DRD2: variants seen among roughly 807,000 people sequenced by gnomAD.
DRD2 encodes dopamine receptor D2.
A neutral mutation model predicts 38.0 loss-of-function variants in DRD2; 8 were observed. That is an observed-to-expected ratio of 0.21 (90% CI 0.12 to 0.38). The LOEUF (loss-of-function observed/expected upper bound fraction) is 0.38. Ranked by LOEUF, DRD2 falls within the 10% of genes least tolerant of loss-of-function variation. DRD2 has a pLI of 1.00. For missense variants in DRD2, 403 were observed against 607.7 expected (o/e 0.66, Z 3.54); for synonymous variants, 230 against 238.6 (o/e 0.96, Z 0.33).
At chr11:113,447,996 A>C (rs1404364784) in intron 1 of DRD2, among the ~76,000 whole-genome samples, 1 of 152,114 alleles carries the variant, frequency 6.6e-6, no homozygotes, top group Non-Finnish European at 1.5e-5. Flanking sequence ...TGGTTAAAGC[A>C]GGTGTCTGAG....
chr11:113,424,239 G>C, intron 2 of DRD2, 128 bp downstream of exon 2: 1 of 987,926 alleles, frequency 1.0e-6, no homozygotes. Flanking sequence ...AGCCCAGAGT[G>C]AAGGAAAAAC....
At chr11:113,458,394 GA>G (rs5794866) in intron 1 of DRD2, among the ~76,000 whole-genome samples, 114,752 of 150,256 alleles carry the variant, frequency 0.76, 47,152 homozygotes, top group Middle Eastern at 0.93. Context: ...AATATCACCA[GA>G]AAAAAAAAAA....
At chr11:113,411,531 G>A (rs945378919) in intron 7 of DRD2, 2 of 152,978 alleles carry the variant, frequency 1.3e-5, no homozygotes, top group Admixed American at 1.3e-4. Context: ...ACCTAACTCA[G>A]GTGCACTTTT....
chr11:113,453,367 A>T (rs1422374551), intron 1 of DRD2, among the ~76,000 whole-genome samples: 1 of 152,224 alleles, frequency 6.6e-6, no homozygotes, highest in Non-Finnish European at 1.5e-5. Flanking sequence ...GAGATAATGT[A>T]TGTTGAGTGA....
intron 1 of DRD2, among the ~76,000 whole-genome samples, chr11:113,451,789 C>T (rs2119910675): frequency 6.6e-6 from 1 of 152,334 alleles, no homozygotes; most frequent in African/African-American, 2.4e-5. Flanking sequence ...CTCTTAAACC[C>T]AGCTTTGTCA....
rs763813827 is a variant in DRD2 at position 113,424,642 on chromosome 11, G to A, written c.10C>T (p.Leu4=). Residue 4 remains leucine (L), a synonymous_variant, in exon 2 of 8, where the codon CTG becomes TTG. Coordinates refer to ENST00000362072, the MANE Select transcript of DRD2 (RefSeq NM_000795.4). The stretch of plus-strand genomic sequence containing the variant: ...TCATCATCATACCAGGACAGATTCA[G>A]TGGATCCATCAGGGCGGTGGAGCCA... The part of the protein sequence containing the change: MDP[L]NLSWYDDDLE... The A allele has an allele frequency of 6.2e-7, 1 of 1,614,132 alleles. No individual in the cohort carries two copies. The highest frequency in any genetic ancestry group is 2.2e-5 in the East Asian group (1 of 44,880).
Position 113,417,093 on chromosome 11 carries a change from G to T in DRD2, c.396-94C>A, listed in dbSNP as rs992108744. ...ACCAGAGACACCCTCACTCCTTGGG[G>T]CTAAACAGTTGACACACCTCTATGA... On this transcript the variant is annotated intron_variant, in intron 3 of 7. Coordinates refer to ENST00000362072, the MANE Select transcript of DRD2 (RefSeq NM_000795.4). 20 of 1,514,688 alleles carry T rather than the reference G, an allele frequency of 1.3e-5. No homozygotes were observed. In the South Asian group the frequency reaches 2.3e-4, roughly 17 times the overall value. The allele number at this position is 1,514,688 out of a possible 1,614,324, so 93.8% of individuals were successfully genotyped here. A position where few individuals can be genotyped will look rare whatever the true frequency, so the allele number is the denominator to read the frequency against.
chr11:113,460,691 C>T (rs541725689), intron 1 of DRD2, among the ~76,000 whole-genome samples: 10 of 152,360 alleles, frequency 6.6e-5, no homozygotes, highest in African/African-American at 1.9e-4. Flanking sequence ...CCTCTCCTCC[C>T]ACCAGGATTA....
At chr11:113,426,470 T>C (rs979344315) in intron 1 of DRD2, among the ~76,000 whole-genome samples, 4 of 152,230 alleles carry the variant, frequency 2.6e-5, no homozygotes, top group Non-Finnish European at 5.9e-5. Flanking sequence ...AGGTGTTTCA[T>C]ACAAAGCACA....
At chr11:113,468,528 T>TTTTTTGTTTGTTTG (rs1235331484) in intron 1 of DRD2, among the ~76,000 whole-genome samples, 1 of 151,964 alleles carries the variant, frequency 6.6e-6, no homozygotes. Flanking sequence ...TTGATCAGGG[T>TTTTTTGTTTGTTTG]TTTTTTTGTT....
chr11:113,455,973 A>G (rs983552246), intron 1 of DRD2, among the ~76,000 whole-genome samples: 1 of 152,254 alleles, frequency 6.6e-6, no homozygotes, highest in African/African-American at 2.4e-5. Context: ...CACATTGAAG[A>G]GATATCTGTA....
chr11:113,410,618 AGAG>A lies in DRD2; in HGVS notation c.*106_*108del. On this transcript the variant is annotated 3_prime_UTR_variant, in exon 8 of 8. Coordinates refer to ENST00000362072, the MANE Select transcript of DRD2 (RefSeq NM_000795.4). ...AACACTGCAGGGCCTGCCGGGGTGA[AGAG>A]GAGGCCGATCCACCCAGGCCTTCCT... 1 of 1,386,946 alleles carries A rather than the reference AGAG, an allele frequency of 7.2e-7. No homozygotes were observed. The highest frequency in any genetic ancestry group is 1.0e-6 in the Non-Finnish European group (1 of 977,682). 85.9% of individuals were successfully genotyped at this position (1,386,946 alleles called of 1,614,324 possible). A position where few individuals can be genotyped will look rare whatever the true frequency, so the allele number is the denominator to read the frequency against.
At chr11:113,453,408 T>C (rs1236899418) in intron 1 of DRD2, among the ~76,000 whole-genome samples, 1 of 152,216 alleles carries the variant, frequency 6.6e-6, no homozygotes, top group Admixed American at 6.5e-5. Flanking sequence ...CCATACGCAC[T>C]CAGTCCGTGT....
rs926101958 is a variant in DRD2 at position 113,416,392 on chromosome 11, A to T, written c.532+471T>A. Among the ~76,000 whole-genome samples the T allele has an allele frequency of 2.0e-5, 3 of 151,866 alleles. No homozygotes were observed. The South Asian group carries it at 6.2e-4, about 32-fold the overall frequency. On this transcript the variant is annotated intron_variant, in intron 4 of 7. Transcript: ENST00000362072. ...CATGTGGTCAGCTTACCTCCTATTC[A>T]CTTCTAGCTTTCCTGCTCCAGGTGG...
rs115933465 is a variant in DRD2, at chr11:113,444,869, C to T, written c.-31-20187G>A. Among the ~76,000 whole-genome samples the T allele has an allele frequency of 1.5e-3, 222 of 152,290 alleles. 5 individuals are homozygous for T. The South Asian group carries it at 0.028, about 19-fold the overall frequency. ...ACCAGTGAGTAGGAAAGAGGGTGCACATTTTGCAGAGAGGGTAACGTGGCT... is the reference window on the plus strand; with the variant it reads ...ACCAGTGAGTAGGAAAGAGGGTGCATATTTTGCAGAGAGGGTAACGTGGCT... On this transcript the variant is annotated intron_variant, in intron 1 of 7. Coordinates refer to ENST00000362072, the MANE Select transcript of DRD2 (RefSeq NM_000795.4).
intron 1 of DRD2, among the ~76,000 whole-genome samples, chr11:113,429,482 T>C (rs923735261): frequency 3.9e-5 from 6 of 151,976 alleles, no homozygotes; most frequent in Non-Finnish European, 4.4e-5. Context: ...CCTGACCTCA[T>C]TATCTGCCTG....
chr11:113,448,380 G>A (rs1049383733), intron 1 of DRD2, among the ~76,000 whole-genome samples: 5 of 152,112 alleles, frequency 3.3e-5, no homozygotes, highest in South Asian at 4.1e-4. Flanking sequence ...TGAAAACCAC[G>A]CCTCAAGCTC....
In DRD2 at chr11:113,415,554, G is replaced by C; in HGVS notation, c.590C>G (p.Ser197Cys). 6.2e-7 allele frequency: 1 copy of C among 1,614,194 alleles called. No homozygotes were observed. The highest frequency in any genetic ancestry group is 8.5e-7 in the Non-Finnish European group (1 of 1,180,036). Reference sequence around the variant, plus strand: ...GGTGACAATGAAGGGCACGTAGAAGGAGACGATGGAGGAGTAGACCACGAA... The same window carrying C: ...GGTGACAATGAAGGGCACGTAGAAGCAGACGATGGAGGAGTAGACCACGAA... ...PAFVVYSSIV[S>C]FYVPFIVTLL... Residue 197 changes from serine to cysteine, a missense_variant, in exon 5 of 8, where the codon TCC (serine) becomes TGC (cysteine). By Grantham distance (112) the Ser-to-Cys change is moderately radical. Coordinates refer to ENST00000362072, the MANE Select transcript of DRD2 (RefSeq NM_000795.4).
At chr11:113,416,748 G>A in intron 4 of DRD2, 115 bp downstream of exon 4, 2 of 1,448,028 alleles carry the variant, frequency 1.4e-6, no homozygotes, top group Non-Finnish European at 1.9e-6. Context: ...GTAGTGATAG[G>A]CCTCCATTGG....
Sources: gnomAD v4.1 joint callset for allele counts (sites outside exome capture counted in the v4.1 genomes callset) on GRCh38, gnomAD v4.1.1 for gene constraint, MANE v1.5 for transcripts, NCBI Gene and HGNC (gene_info 2026-07-23, HGNC 2026-07-21) for gene names.